The following KCNJ6 variants were observed in gnomAD, a reference collection of about 807,000 sequenced individuals.
KCNJ6 encodes the protein G protein-activated inward rectifier potassium channel 2.
Under a neutral mutation model 34.2 loss-of-function variants are expected in KCNJ6, and 9 were observed. The ratio of observed to expected loss-of-function variants is 0.26; its 90% CI spans 0.16 to 0.46. The LOEUF (loss-of-function observed/expected upper bound fraction) is 0.46. KCNJ6 is among the 20% of genes least tolerant of loss of function. KCNJ6 has a pLI of 1.00. For missense variants in KCNJ6, 236 were observed against 531.3 expected, an observed-to-expected ratio of 0.44 and a Z score of 5.46; for synonymous variants, 196 against 207.1, an observed-to-expected ratio of 0.95 and a Z score of 0.46.
intron 3 of KCNJ6, among the ~76,000 whole-genome samples, chr21:37,672,883 G>T (rs993512805): frequency 6.6e-6 from 1 of 152,092 alleles, no homozygotes; most frequent in Non-Finnish European, 1.5e-5. Flanking sequence ...GGCTAAAGTG[G>T]TCCTCCTGTC....
intron 3 of KCNJ6, among the ~76,000 whole-genome samples, chr21:37,689,882 T>C (rs8129200): frequency 6.6e-6 from 1 of 151,934 alleles, no homozygotes; most frequent in African/African-American, 2.4e-5. Flanking sequence ...ATGGCTTGGG[T>C]CTCAGGCAGA....
intron 3 of KCNJ6, among the ~76,000 whole-genome samples, chr21:37,704,246 G>A (rs1217411266): frequency 1.1e-4 from 13 of 116,564 alleles, no homozygotes; most frequent in African/African-American, 3.5e-4. Flanking sequence ...TCATCTAGGG[G>A]GATCACGAAC....
At chr21:37,739,078 A>T (rs2054926746) in intron 2 of KCNJ6, among the ~76,000 whole-genome samples, 1 of 152,202 alleles carries the variant, frequency 6.6e-6, no homozygotes, top group Admixed American at 6.5e-5. Flanking sequence ...CTGAATAGAG[A>T]TGTGCAGTAA....
At position 37,720,697 on chromosome 21, in the gene KCNJ6, CTTTTCTTTTTTTTTT is replaced by C. The variant is rs1258831530; in HGVS notation, c.26-5581_26-5567del. On this transcript the variant is annotated intron_variant, in intron 2 of 3. Transcript: ENST00000609713. Reference sequence around the variant, plus strand: ...CCCACAGAATGGGAGAAAACATTTTCTTTTCTTTTTTTTTTTTTTTTGAGACGGAGTCTCGCTCTG... The same window carrying C: ...CCCACAGAATGGGAGAAAACATTTTCTTTTTTGAGACGGAGTCTCGCTCTG... 8.3e-5 allele frequency among the ~76,000 whole-genome samples: 9 copies of C among 108,302 alleles called. No individual in the cohort carries two copies. In the East Asian group the frequency reaches 2.5e-3, roughly 30 times the overall value. The allele number at this position is 108,302 out of a possible 152,430, so 71.1% of individuals were successfully genotyped here. A position where few individuals can be genotyped will look rare whatever the true frequency, so the allele number is the denominator to read the frequency against.
At chr21:37,801,348 C>T (rs2123532195) in intron 2 of KCNJ6, among the ~76,000 whole-genome samples, 1 of 152,296 alleles carries the variant, frequency 6.6e-6, no homozygotes, top group South Asian at 2.1e-4. Context: ...TGCTTTTCTC[C>T]AAGATGCCAT....
At chr21:37,870,635 AAACC>A (rs1365587650) in intron 1 of KCNJ6, among the ~76,000 whole-genome samples, 4 of 150,834 alleles carry the variant, frequency 2.7e-5, no homozygotes, top group Admixed American at 2.6e-4. Flanking sequence ...AAGGCATTTA[AAACC>A]AACTGTAAAT....
intron 2 of KCNJ6, among the ~76,000 whole-genome samples, chr21:37,761,385 G>C (rs959817048): frequency 6.6e-6 from 1 of 151,022 alleles, no homozygotes; most frequent in Admixed American, 6.6e-5. Flanking sequence ...TGTGTGTGTT[G>C]TATGTAGTGT....
intron 2 of KCNJ6, among the ~76,000 whole-genome samples, chr21:37,726,013 C>G (rs1213599285): frequency 1.3e-5 from 2 of 152,176 alleles, no homozygotes; most frequent in Non-Finnish European, 2.9e-5. Flanking sequence ...TCAAGCAATT[C>G]TCCTGCTTCA....
intron 2 of KCNJ6, among the ~76,000 whole-genome samples, chr21:37,754,658 C>G (rs919244447): frequency 1.3e-5 from 2 of 152,102 alleles, no homozygotes; most frequent in Non-Finnish European, 2.9e-5. Context: ...CGCTAATGAG[C>G]GTGAAAGGTT....
intron 1 of KCNJ6, among the ~76,000 whole-genome samples, chr21:37,913,595 G>A (rs1345746002): frequency 1.3e-5 from 2 of 152,266 alleles, no homozygotes; most frequent in Admixed American, 1.3e-4. Context: ...TGAGGCAGGC[G>A]GATCACAACG....
intron 1 of KCNJ6, among the ~76,000 whole-genome samples, chr21:37,863,771 G>GAA (rs200204517): frequency 7.3e-6 from 1 of 136,892 alleles, no homozygotes; most frequent in Non-Finnish European, 1.6e-5. Context: ...ACTCTTGTAA[G>GAA]AAAAAAAATG....
chr21:37,808,484 T>G (rs976437061), intron 2 of KCNJ6, among the ~76,000 whole-genome samples: 7 of 152,228 alleles, frequency 4.6e-5, no homozygotes, highest in African/African-American at 1.7e-4. Context: ...ACATGAATCA[T>G]CCACTTGATG....
At chr21:37,891,617 G>A (rs992113852) in intron 1 of KCNJ6, among the ~76,000 whole-genome samples, 4 of 152,000 alleles carry the variant, frequency 2.6e-5, no homozygotes, top group Admixed American at 6.5e-5. Context: ...GGCTGTTTGG[G>A]TGAGAACATT....
In KCNJ6 at chr21:37,767,340, G is replaced by A. The variant is rs77789795; in HGVS notation, c.26-52209C>T. Among the ~76,000 whole-genome samples the A allele has an allele frequency of 1.2e-4, 19 of 152,342 alleles. No homozygotes were observed. The East Asian group carries it at 3.7e-3, about 29-fold the overall frequency. ...TTCGAATCTATGATTAAGAACTTAG[G>A]ATGGGTAGAAGGGTCAAAAGGACAG... is the stretch of plus-strand genomic sequence containing the variant. On this transcript the variant is annotated intron_variant, in intron 2 of 3. Transcript: ENST00000609713.
At chr21:37,761,651 A>G (rs1228750442) in intron 2 of KCNJ6, among the ~76,000 whole-genome samples, 1 of 127,978 alleles carries the variant, frequency 7.8e-6, no homozygotes, top group East Asian at 2.3e-4. Context: ...GTGTGTGTAT[A>G]TTTGTGTGTT....
intron 2 of KCNJ6, among the ~76,000 whole-genome samples, chr21:37,783,787 G>A (rs764927159): frequency 4.6e-5 from 7 of 152,196 alleles, no homozygotes; most frequent in Non-Finnish European, 1.0e-4. Flanking sequence ...TTAAGGTTAA[G>A]TGAGGTCATA....
intron 2 of KCNJ6, among the ~76,000 whole-genome samples, chr21:37,779,940 T>C (rs985099320): frequency 2.0e-5 from 3 of 152,208 alleles, no homozygotes; most frequent in Non-Finnish European, 4.4e-5. Context: ...ATGTGGAGAC[T>C]TTCTGTATCA....
intron 3 of KCNJ6, among the ~76,000 whole-genome samples, chr21:37,685,207 C>T (rs937230990): frequency 2.2e-4 from 33 of 152,206 alleles, no homozygotes; most frequent in South Asian, 8.3e-4. Flanking sequence ...TTTCACTTAT[C>T]CTACTGGCAA....
intron 3 of KCNJ6, among the ~76,000 whole-genome samples, chr21:37,710,301 C>G (rs1018470539): frequency 1.3e-5 from 2 of 152,096 alleles, no homozygotes; most frequent in African/African-American, 4.8e-5. Flanking sequence ...TTAAAAGAAT[C>G]CTTATCTTTT....
Sources: gnomAD v4.1 joint callset for allele counts (sites outside exome capture counted in the v4.1 genomes callset) on GRCh38, gnomAD v4.1.1 for gene constraint, MANE v1.5 for transcripts, NCBI Gene and HGNC (gene_info 2026-07-23, HGNC 2026-07-21) for gene names.